The following DAB1 variants were observed in gnomAD, a reference collection of about 807,000 sequenced individuals.
DAB1 encodes the protein DAB adaptor protein 1, also known as disabled homolog 1.
In DAB1, 15 loss-of-function variants were observed where a neutral mutation model predicts 64.6. That is an observed-to-expected ratio of 0.23 (90% CI 0.16 to 0.36). The LOEUF (loss-of-function observed/expected upper bound fraction) is 0.36, where lower values mean the gene tolerates loss of function less well. Ranked by LOEUF, DAB1 falls within the 10% of genes least tolerant of loss-of-function variation. DAB1 has a pLI of 1.00. For synonymous variants in DAB1, 235 were observed against 251.9 expected, an observed-to-expected ratio of 0.93 and a Z score of 0.64; for missense variants, 596 against 706.7, an observed-to-expected ratio of 0.84 and a Z score of 1.78.
At chr1:57,488,356 C>T (rs1018472792) in intron 7 of DAB1, among the ~76,000 whole-genome samples, 3 of 145,070 alleles carry the variant, frequency 2.1e-5, no homozygotes, top group Non-Finnish European at 3.0e-5. Context: ...GAGCCAAGAT[C>T]GTGCCACTGC....
intron 5 of DAB1, among the ~76,000 whole-genome samples, chr1:58,023,140 C>T (rs577200555): frequency 3.3e-5 from 5 of 152,144 alleles, no homozygotes; most frequent in East Asian, 1.9e-4. Context: ...GCTCATTTAT[C>T]GTGCTCTAAG....
Position 57,678,768 on chromosome 1 carries a change from G to GT in DAB1, n.552-29104dup, listed in dbSNP as rs1020869562. On this transcript the variant is annotated intron_variant and non_coding_transcript_variant, in intron 6 of 20. Transcript: ENST00000485760. ...TCGTCCAGTGAGGCAACTGTTTTTT[G>GT]TTTTTTTTTTCTTTGTTTTTTGGAG... Among the ~76,000 whole-genome samples, 13 of 141,576 alleles carry GT rather than the reference G, an allele frequency of 9.2e-5. 1 individual carries two copies. Among genetic ancestry groups the GT allele is most frequent in the Admixed American group, 2.1e-4 (3 of 14,042 alleles). The allele number at this position is 141,576 out of a possible 152,430, so 92.9% of individuals were successfully genotyped here.
intron 2 of DAB1, among the ~76,000 whole-genome samples, chr1:57,267,683 G>A (rs1027471425): frequency 6.6e-6 from 1 of 152,142 alleles, no homozygotes; most frequent in Non-Finnish European, 1.5e-5. Flanking sequence ...TTTGACAGAT[G>A]CTTCAGGTCA....
rs148560935 is a variant in DAB1 at position 57,503,632 on chromosome 1, C to T, written n.625+145960G>A. Among the ~76,000 whole-genome samples the T allele has an allele frequency of 3.2e-4, 49 of 152,364 alleles. No individual in the cohort carries two copies. The East Asian group carries it at 8.5e-3, about 26-fold the overall frequency. ...CTTCTCAACCTCAACTCTACTCATG[C>T]CCTGCCGGGCAATATTTCACTGCTT... On this transcript the variant is annotated intron_variant and non_coding_transcript_variant, in intron 7 of 20. Transcript: ENST00000485760.
chr1:57,287,399 T>A (rs183114587), intron 2 of DAB1, among the ~76,000 whole-genome samples: 1 of 152,238 alleles, frequency 6.6e-6, no homozygotes, highest in Non-Finnish European at 1.5e-5. Context: ...AGTAAAAACT[T>A]AAACATAACT....
chr1:58,345,657 C>G (rs1195028707), intron 3 of DAB1, among the ~76,000 whole-genome samples: 1 of 152,048 alleles, frequency 6.6e-6, no homozygotes, highest in African/African-American at 2.4e-5. Flanking sequence ...AATCAGCAGC[C>G]CCTTCCCCCA....
intron 1 of DAB1, chr1:58,539,233 G>A (rs1408391364): frequency 6.9e-6 from 6 of 870,506 alleles, no homozygotes; most frequent in South Asian, 6.6e-5. Context: ...GTTAGACAGT[G>A]AATTAAATCG....
chr1:58,181,792 A>G (rs1251068533), intron 4 of DAB1, among the ~76,000 whole-genome samples: 2 of 151,244 alleles, frequency 1.3e-5, no homozygotes, highest in African/African-American at 4.9e-5. Context: ...AATAGATTTT[A>G]AAGTTATTAT....
At chr1:57,689,273 A>C (rs546641718) in intron 6 of DAB1, among the ~76,000 whole-genome samples, 1 of 152,124 alleles carries the variant, frequency 6.6e-6, no homozygotes, top group African/African-American at 2.4e-5. Context: ...TCCTAGGACA[A>C]CAGCTGGAAT....
chr1:57,848,482 C>T (rs1189625869), intron 1 of DAB1, among the ~76,000 whole-genome samples: 1 of 152,212 alleles, frequency 6.6e-6, no homozygotes, highest in Non-Finnish European at 1.5e-5. Flanking sequence ...TAATACTTAT[C>T]AGTAACTCAA....
chr1:57,479,848 T>TA (rs1643989886), intron 7 of DAB1, among the ~76,000 whole-genome samples: 9 of 152,148 alleles, frequency 5.9e-5, no homozygotes, highest in Admixed American at 5.9e-4. Flanking sequence ...AAGACATGCA[T>TA]TGCAAGAGAA....
chr1:57,791,749 C>T (rs1206904136), intron 6 of DAB1, among the ~76,000 whole-genome samples: 1 of 152,204 alleles, frequency 6.6e-6, no homozygotes, highest in Non-Finnish European at 1.5e-5. Flanking sequence ...GCTCCCCACA[C>T]TCACCTTGTC....
intron 7 of DAB1, among the ~76,000 whole-genome samples, chr1:57,614,027 G>T (rs191086900): frequency 6.6e-6 from 1 of 152,264 alleles, no homozygotes; most frequent in Non-Finnish European, 1.5e-5. Flanking sequence ...TTTCCACAGG[G>T]ACCTGGCATG....
At chr1:57,084,708 A>G (rs1052727575) in intron 4 of DAB1, among the ~76,000 whole-genome samples, 49 of 152,202 alleles carry the variant, frequency 3.2e-4, no homozygotes, top group African/African-American at 1.2e-3. Context: ...TCTGCTTTTC[A>G]ATGCAGAATA....
At chr1:57,953,271 C>T (rs922442099) in intron 5 of DAB1, among the ~76,000 whole-genome samples, 10 of 152,120 alleles carry the variant, frequency 6.6e-5, no homozygotes, top group Non-Finnish European at 5.9e-5. Flanking sequence ...AGAATGTATA[C>T]GGGGTGTTGG....
intron 2 of DAB1, among the ~76,000 whole-genome samples, chr1:57,175,323 T>G (rs1037042910): frequency 1.3e-5 from 2 of 151,874 alleles, no homozygotes; most frequent in Non-Finnish European, 2.9e-5. Context: ...AAATTTTTTT[T>G]TTTTTTTTGA....
chr1:57,517,653 A>G (rs1359439578), intron 7 of DAB1, among the ~76,000 whole-genome samples: 1 of 152,240 alleles, frequency 6.6e-6, no homozygotes, highest in Non-Finnish European at 1.5e-5. Context: ...TTGAACCCTA[A>G]TTTGACATGC....
chr1:58,230,576 G>T (rs1352070892), intron 4 of DAB1, among the ~76,000 whole-genome samples: 1 of 152,170 alleles, frequency 6.6e-6, no homozygotes, highest in Non-Finnish European at 1.5e-5. Context: ...AAAGGACAAA[G>T]GGGCACCCTC....
intron 4 of DAB1, among the ~76,000 whole-genome samples, chr1:58,283,791 TC>T (rs1661620289): frequency 6.6e-6 from 1 of 152,222 alleles, no homozygotes; most frequent in Non-Finnish European, 1.5e-5. Context: ...ATCTTCCAGC[TC>T]ATTTTGGAGC....
Sources: gnomAD v4.1 joint callset for allele counts (sites outside exome capture counted in the v4.1 genomes callset) on GRCh38, gnomAD v4.1.1 for gene constraint, MANE v1.5 for transcripts, NCBI Gene and HGNC (gene_info 2026-07-23, HGNC 2026-07-21) for gene names.